The following DLGAP1 variants were observed in gnomAD, a reference collection of about 807,000 sequenced individuals.
DLGAP1 encodes the protein disks large-associated protein 1.
A neutral mutation model predicts 90.8 loss-of-function variants in DLGAP1; 11 were observed. The observed-to-expected ratio is 0.12, with a 90% confidence interval of 0.08 to 0.20. The LOEUF (loss-of-function observed/expected upper bound fraction) is 0.20. DLGAP1 is among the 10% of genes least tolerant of loss of function. The pLI, the probability that DLGAP1 is intolerant of heterozygous loss-of-function variation, is 1.00. For synonymous variants in DLGAP1, 558 were observed against 540.7 expected (o/e 1.03, Z -0.44); for missense variants, 1,050 against 1,333.8 (o/e 0.79, Z 3.31).
Position 4,352,964 on chromosome 18 carries a change from CCTCA to C in DLGAP1, c.-267+102038_-267+102041del, listed in dbSNP as rs577699243. Among the ~76,000 whole-genome samples the C allele has an allele frequency of 2.7e-3, 415 of 152,226 alleles. 2 individuals carry two copies. Among genetic ancestry groups the C allele is most frequent in the Middle Eastern group, 0.02 (6 of 294 alleles). On this transcript the variant is annotated intron_variant, in intron 1 of 12. Transcript: ENST00000315677. ...ATCATCCACCTGGATTACAGATGGT[CCTCA>C]CTCCCGAAAAGTCTTCTGGGCAGAA... is the stretch of plus-strand genomic sequence containing the variant.
chr18:4,429,710 T>C (rs2083240364), intron 1 of DLGAP1, among the ~76,000 whole-genome samples: 1 of 152,084 alleles, frequency 6.6e-6, no homozygotes, highest in Non-Finnish European at 1.5e-5. Context: ...CCTGGCCTCT[T>C]GCACGTATTT....
At chr18:3,693,681 C>A (rs2060978429) in intron 7 of DLGAP1, among the ~76,000 whole-genome samples, 1 of 152,198 alleles carries the variant, frequency 6.6e-6, no homozygotes, top group Non-Finnish European at 1.5e-5. Flanking sequence ...TATGATTTCA[C>A]AGCTGAAGTA....
intron 7 of DLGAP1, among the ~76,000 whole-genome samples, chr18:3,600,793 G>GATATATAT (rs374773371): frequency 1.0e-4 from 3 of 29,188 alleles, no homozygotes; most frequent in African/African-American, 5.3e-4. Context: ...GATATATATA[G>GATATATAT]ATATATAGAT....
chr18:4,095,282 C>T (rs2075658316), intron 2 of DLGAP1, among the ~76,000 whole-genome samples: 1 of 152,064 alleles, frequency 6.6e-6, no homozygotes, highest in South Asian at 2.1e-4. Context: ...AGAGAATAAA[C>T]AGAGACACTG....
chr18:3,839,194 C>A (rs2068568076), intron 4 of DLGAP1, among the ~76,000 whole-genome samples: 1 of 152,180 alleles, frequency 6.6e-6, no homozygotes, highest in South Asian at 2.1e-4. Flanking sequence ...CCACAGGGTA[C>A]AATTAATGAA....
In DLGAP1 at chr18:4,383,591, A is replaced by C. The variant is rs1182026294; in HGVS notation, c.-267+71415T>G. Reference sequence around the variant, plus strand: ...AAACCGAGTATCCTTGCTCATTAAAAAAAAAGGGATGTTTACCTATGAGAA... The same window carrying C: ...AAACCGAGTATCCTTGCTCATTAAACAAAAAGGGATGTTTACCTATGAGAA... On this transcript the variant is annotated intron_variant, in intron 1 of 12. Transcript: ENST00000315677. This position sits in a 1 kb window ranked among gnomAD's most constrained non-coding sequence, Gnocchi z 4.0. 1.3e-5 allele frequency among the ~76,000 whole-genome samples: 2 copies of C among 152,120 alleles called. No individual in the cohort carries two copies. The highest frequency in any genetic ancestry group is 2.9e-5 in the Non-Finnish European group (2 of 68,006).
intron 10 of DLGAP1, among the ~76,000 whole-genome samples, chr18:3,531,339 A>C (rs1026049558): frequency 7.2e-5 from 11 of 151,938 alleles, no homozygotes; most frequent in African/African-American, 2.7e-4. Flanking sequence ...CAGGAGGCTG[A>C]GGCAGGAGAA....
chr18:4,192,192 T>G (rs1222759675), intron 1 of DLGAP1, among the ~76,000 whole-genome samples: 1 of 152,132 alleles, frequency 6.6e-6, no homozygotes, highest in Non-Finnish European at 1.5e-5. Flanking sequence ...TCATGATACC[T>G]CTCCTTTTAT....
chr18:4,097,411 G>A (rs767777381), intron 2 of DLGAP1, among the ~76,000 whole-genome samples: 7 of 152,136 alleles, frequency 4.6e-5, no homozygotes, highest in Non-Finnish European at 1.0e-4. Flanking sequence ...TAATCTCTTG[G>A]TCTTTGCAAG....
intron 5 of DLGAP1, among the ~76,000 whole-genome samples, chr18:3,778,860 G>A (rs553805105): frequency 1.6e-4 from 24 of 152,274 alleles, no homozygotes; most frequent in African/African-American, 5.3e-4. Context: ...GAGACATAGC[G>A]TGGCTCAGGG....
chr18:4,223,026 C>T (rs531744872), intron 1 of DLGAP1, among the ~76,000 whole-genome samples: 27 of 152,050 alleles, frequency 1.8e-4, no homozygotes, highest in Non-Finnish European at 3.1e-4. Flanking sequence ...GGCTGAGGTA[C>T]GAGAAGCACT....
At chr18:4,060,504 C>T (rs572613594) in intron 2 of DLGAP1, among the ~76,000 whole-genome samples, 10 of 152,274 alleles carry the variant, frequency 6.6e-5, no homozygotes, top group East Asian at 1.9e-4. Context: ...AGTCCTGCCT[C>T]GGAGGTTTAA....
chr18:4,311,372 T>C (rs1425025755), intron 1 of DLGAP1, among the ~76,000 whole-genome samples: 2 of 152,240 alleles, frequency 1.3e-5, no homozygotes, highest in African/African-American at 4.8e-5. Flanking sequence ...GTTTCACTCA[T>C]GTCGGCTTTA....
chr18:4,160,292 CTG>C (rs374388810), intron 1 of DLGAP1, among the ~76,000 whole-genome samples: 8 of 152,256 alleles, frequency 5.3e-5, no homozygotes, highest in African/African-American at 1.9e-4. Flanking sequence ...CTTAAAATCT[CTG>C]AGAGTAAAAT....
rs1364495089 is a variant in DLGAP1, at chr18:3,600,915, G to GAT, written c.1592-18669_1592-18668dup. Among the ~76,000 whole-genome samples, 104 of 16,778 alleles carry GAT rather than the reference G, an allele frequency of 6.2e-3. 31 individuals carry two copies. The highest frequency in any genetic ancestry group is 0.034 in the East Asian group (31 of 902). The allele number at this position is 16,778 out of a possible 152,430, so 11.0% of individuals were successfully genotyped here. ...ATAGATATATATAGATATATAGATA[G>GAT]ATATAGATATATATAGATATATAGA... On this transcript the variant is annotated intron_variant, in intron 7 of 12. Transcript: ENST00000315677.
chr18:3,751,637 C>T (rs2063498996), intron 5 of DLGAP1, among the ~76,000 whole-genome samples: 1 of 151,010 alleles, frequency 6.6e-6, no homozygotes, highest in East Asian at 1.9e-4. Context: ...TGTGTCACTG[C>T]AACCTCTGCC....
chr18:4,228,873 C>A (rs2078245154), intron 1 of DLGAP1, among the ~76,000 whole-genome samples: 1 of 151,856 alleles, frequency 6.6e-6, no homozygotes, highest in African/African-American at 2.4e-5. Flanking sequence ...AAAAAAAGGG[C>A]ATCCAAACTG....
At chr18:4,112,400 G>A (rs2075990225) in intron 2 of DLGAP1, among the ~76,000 whole-genome samples, 2 of 152,138 alleles carry the variant, frequency 1.3e-5, no homozygotes, top group Admixed American at 1.3e-4. Context: ...TTGCTGTTGG[G>A]TGGAGGATTC....
chr18:3,930,546 C>T (rs939161008), intron 3 of DLGAP1, among the ~76,000 whole-genome samples: 3 of 152,098 alleles, frequency 2.0e-5, no homozygotes, highest in Admixed American at 6.5e-5. Flanking sequence ...GGAAGGGTGC[C>T]GGGTCCCAGC....
Sources: allele counts gnomAD v4.1 joint callset (sites outside exome capture counted in the v4.1 genomes callset), GRCh38; gene constraint gnomAD v4.1.1; non-coding constraint Gnocchi (gnomAD v3.1); transcripts MANE v1.5; gene names NCBI Gene and HGNC (gene_info 2026-07-23, HGNC 2026-07-21).